The following ASTN1 variants were observed in gnomAD, a reference collection of about 807,000 sequenced individuals.
The protein encoded by ASTN1 is astrotactin-1.
ASTN1 carries 41 observed loss-of-function variants against 140.7 expected under a neutral mutation model. The observed-to-expected ratio is 0.29, with a 90% CI of 0.23 to 0.38. The LOEUF (loss-of-function observed/expected upper bound fraction) is 0.38. ASTN1 is among the 10% of genes least tolerant of loss of function. ASTN1 has a pLI of 1.00. For synonymous variants in ASTN1, 640 were observed against 652.2 expected, an observed-to-expected ratio of 0.98 and a Z score of 0.29; for missense variants, 1,479 against 1,678.8, an observed-to-expected ratio of 0.88 and a Z score of 2.08.
intron 1 of ASTN1, among the ~76,000 whole-genome samples, chr1:177,068,107 T>C (rs1678454842): frequency 6.6e-6 from 1 of 152,202 alleles, no homozygotes; most frequent in Admixed American, 6.5e-5. Flanking sequence ...TGAACAGCAA[T>C]ATGGAAAACA....
rs71628227 is a variant in ASTN1, at chr1:177,140,537, T to C, written c.283+23857A>G. 2.6e-3 allele frequency among the ~76,000 whole-genome samples: 390 copies of C among 152,294 alleles called. 2 individuals carry two copies. Among genetic ancestry groups the C allele is most frequent in the Non-Finnish European group, 4.2e-3 (287 of 67,998 alleles). On this transcript the variant is annotated intron_variant, in intron 1 of 22. Transcript: ENST00000361833. Reference sequence around the variant, plus strand: ...ATAAAGAAAATTTTGAAAAAAAGCCTGGGTACATTCTGTTATCCACATTAT... The same window carrying C: ...ATAAAGAAAATTTTGAAAAAAAGCCCGGGTACATTCTGTTATCCACATTAT...
At chr1:176,972,386 G>T (rs930716608) in intron 8 of ASTN1, among the ~76,000 whole-genome samples, 10 of 152,346 alleles carry the variant, frequency 6.6e-5, no homozygotes, top group African/African-American at 2.4e-4. Context: ...TGCAAACACA[G>T]ATATGGAGCC....
intron 7 of ASTN1, among the ~76,000 whole-genome samples, chr1:177,021,988 G>A (rs1271112717): frequency 6.6e-6 from 1 of 152,204 alleles, no homozygotes; most frequent in Non-Finnish European, 1.5e-5. Context: ...CAGCAAGTAA[G>A]CACAGTCTTA....
intron 1 of ASTN1, among the ~76,000 whole-genome samples, chr1:177,160,291 C>G (rs1647284032): frequency 1.3e-5 from 2 of 152,178 alleles, no homozygotes; most frequent in Non-Finnish European, 2.9e-5. Context: ...AAGTAGAAAG[C>G]CAGAAGTTGA....
intron 1 of ASTN1, among the ~76,000 whole-genome samples, chr1:177,138,340 G>A (rs1465530908): frequency 6.6e-6 from 1 of 152,150 alleles, no homozygotes; most frequent in Non-Finnish European, 1.5e-5. Flanking sequence ...TATAACTGCT[G>A]GTTGGGATAA....
rs141634394 is a variant in ASTN1 at position 176,926,097 on chromosome 1, G to A, written c.2671+8055C>T. On this transcript the variant is annotated intron_variant, in intron 16 of 22. Transcript: ENST00000361833. Reference sequence around the variant, plus strand: ...GCTGGGATTACAGGTGTGAGCCACCGCACCCAGCCAAGGCATTCTTTTTAA... The same window carrying A: ...GCTGGGATTACAGGTGTGAGCCACCACACCCAGCCAAGGCATTCTTTTTAA... Among the ~76,000 whole-genome samples the A allele has an allele frequency of 2.6e-3, 389 of 152,000 alleles. 2 individuals carry two copies. The highest frequency in any genetic ancestry group is 7.8e-3 in the African/African-American group (325 of 41,432).
chr1:176,961,352 A>C (rs569324171), intron 9 of ASTN1, among the ~76,000 whole-genome samples: 1 of 152,336 alleles, frequency 6.6e-6, no homozygotes, highest in Non-Finnish European at 1.5e-5. Flanking sequence ...GCACTGGACC[A>C]TGTTAATAAG....
chr1:177,014,504 C>T (rs1675445081), intron 8 of ASTN1, among the ~76,000 whole-genome samples: 1 of 152,180 alleles, frequency 6.6e-6, no homozygotes, highest in Non-Finnish European at 1.5e-5. Context: ...GTGGAATCCT[C>T]ATGGCTGGTG....
intron 1 of ASTN1, among the ~76,000 whole-genome samples, chr1:177,108,184 C>T (rs780966893): frequency 1.3e-5 from 2 of 151,650 alleles, no homozygotes; most frequent in African/African-American, 2.4e-5. Flanking sequence ...CCCATCTCTA[C>T]TAAAAATACA....
At chr1:177,094,513 T>C (rs537712434) in intron 1 of ASTN1, among the ~76,000 whole-genome samples, 5 of 152,316 alleles carry the variant, frequency 3.3e-5, no homozygotes, top group Admixed American at 6.5e-5. Flanking sequence ...GGAGACACAG[T>C]GAGAAGCCAC....
chr1:176,957,660 C>T lies in ASTN1; in HGVS notation c.1887+18G>A, dbSNP rs758423911. 2 of 1,612,810 alleles carry T rather than the reference C, an allele frequency of 1.2e-6. No individual in the cohort carries two copies. On this transcript the variant is annotated intron_variant, in intron 11 of 22. Coordinates refer to ENST00000361833, the MANE Select transcript of ASTN1 (RefSeq NM_004319.3). ...CCCATCCTCAAACAGAAACTACTAG[C>T]TTGCAGGGCAGACCTACCACGCAAC...
intron 11 of ASTN1, among the ~76,000 whole-genome samples, chr1:176,953,054 A>T (rs1672257756): frequency 6.6e-6 from 1 of 152,246 alleles, no homozygotes. Context: ...TGAGATGCTC[A>T]TGGCTTCTTG....
intron 1 of ASTN1, among the ~76,000 whole-genome samples, chr1:177,107,953 A>G (rs1680630682): frequency 6.6e-6 from 1 of 152,174 alleles, no homozygotes; most frequent in Non-Finnish European, 1.5e-5. Flanking sequence ...TACAAAAGGG[A>G]AGAAGTTGCA....
At chr1:176,950,819 C>A (rs886473060) in intron 11 of ASTN1, among the ~76,000 whole-genome samples, 7 of 152,036 alleles carry the variant, frequency 4.6e-5, no homozygotes, top group African/African-American at 1.7e-4. Flanking sequence ...ACACACTCCT[C>A]CAAAACCAAC....
chr1:177,109,239 C>T (rs937490527), intron 1 of ASTN1, among the ~76,000 whole-genome samples: 4 of 152,032 alleles, frequency 2.6e-5, no homozygotes, highest in African/African-American at 4.8e-5. Flanking sequence ...CTGCTTGAAG[C>T]TTTGCAGGAA....
intron 2 of ASTN1, among the ~76,000 whole-genome samples, chr1:177,036,242 G>T (rs958691585): frequency 1.3e-5 from 2 of 151,666 alleles, no homozygotes; most frequent in African/African-American, 4.8e-5. Flanking sequence ...TAGAGACGGG[G>T]TTTCTCCATG....
intron 11 of ASTN1, among the ~76,000 whole-genome samples, chr1:176,953,861 C>T (rs114609466): frequency 2.0e-4 from 30 of 152,276 alleles, no homozygotes; most frequent in East Asian, 5.8e-4. Context: ...TACATTCTTA[C>T]GTCTTACAAA....
chr1:176,984,818 A>T (rs939096250), intron 8 of ASTN1, among the ~76,000 whole-genome samples: 6 of 152,118 alleles, frequency 3.9e-5, no homozygotes, highest in Non-Finnish European at 5.9e-5. Flanking sequence ...TCCATAATAA[A>T]CATCCCCTGG....
intron 2 of ASTN1, among the ~76,000 whole-genome samples, chr1:177,055,338 T>A (rs1251119710): frequency 6.6e-6 from 1 of 152,232 alleles, no homozygotes; most frequent in Non-Finnish European, 1.5e-5. Context: ...TGACAAGAGA[T>A]GCAGGGCATT....
Sources: allele counts gnomAD v4.1 joint callset (sites outside exome capture counted in the v4.1 genomes callset), GRCh38; gene constraint gnomAD v4.1.1; transcripts MANE v1.5; gene names NCBI Gene and HGNC (gene_info 2026-07-23, HGNC 2026-07-21).